DPY30: variants seen among roughly 807,000 people sequenced by gnomAD.
DPY30 encodes the protein protein dpy-30 homolog.
A neutral mutation model predicts 16.2 loss-of-function variants in DPY30; 6 were observed. The observed-to-expected ratio is 0.37, with a 90% CI of 0.20 to 0.73. The LOEUF is 0.73. Among genes scored for constraint, DPY30 ranks in the 30% least tolerant of loss-of-function variants. The pLI is 0.51. For missense variants in DPY30, 73 were observed against 113.1 expected (o/e 0.65, Z 1.61); for synonymous variants, 39 against 38.8 (o/e 1.00, Z -0.02).
chr2:32,036,453 C>T (rs1675741523), intron 3 of DPY30, among the ~76,000 whole-genome samples: 1 of 151,956 alleles, frequency 6.6e-6, no homozygotes, highest in Admixed American at 6.6e-5. Flanking sequence ...TGGCGGATCA[C>T]GAGGTCAGGA....
intron 4 of DPY30, among the ~76,000 whole-genome samples, chr2:32,025,850 A>G (rs1675314432): frequency 1.3e-5 from 2 of 151,380 alleles, no homozygotes; most frequent in South Asian, 4.2e-4. Flanking sequence ...GCTCACGCTT[A>G]TAATCCTCAC....
chr2:32,032,580 C>A (rs1675581739), intron 3 of DPY30, among the ~76,000 whole-genome samples: 1 of 152,198 alleles, frequency 6.6e-6, no homozygotes, highest in Non-Finnish European at 1.5e-5. Flanking sequence ...CTACTCGGGG[C>A]CAGGCACAGT....
At chr2:32,029,458 G>A (rs1157928247) in intron 4 of DPY30, 136 bp downstream of exon 4, 1 of 1,016,508 alleles carries the variant, frequency 9.8e-7, no homozygotes, top group East Asian at 2.5e-5. Context: ...TGAGATTATG[G>A]CTGAATACTT....
At chr2:32,034,467 G>A (rs185418453) in intron 3 of DPY30, among the ~76,000 whole-genome samples, 13 of 152,174 alleles carry the variant, frequency 8.5e-5, no homozygotes, top group East Asian at 1.9e-4. Flanking sequence ...CAGATCTCAC[G>A]GTAACTAATA....
chr2:32,036,932 A>G (rs1324905382), intron 3 of DPY30, among the ~76,000 whole-genome samples: 1 of 152,198 alleles, frequency 6.6e-6, no homozygotes, highest in East Asian at 1.9e-4. Flanking sequence ...ACACTGGTAT[A>G]AAGAAAATCT....
At chr2:32,011,668 T>C (rs1332501499), downstream of DPY30, among the ~76,000 whole-genome samples, 1 of 152,228 alleles carries the variant, frequency 6.6e-6, no homozygotes, top group Non-Finnish European at 1.5e-5. Context: ...TGAGGAAGTG[T>C]TATTGTTACA....
intron 3 of DPY30, 99 bp from the exon 4 acceptor site, chr2:32,029,835 C>T: frequency 7.6e-7 from 1 of 1,319,534 alleles, no homozygotes; most frequent in Non-Finnish European, 1.1e-6. Flanking sequence ...ATAGAAAAGG[C>T]AAATCAATGA....
chr2:32,029,820 C>G, intron 3 of DPY30, 84 bp from the exon 4 acceptor site: 9 of 1,481,926 alleles, frequency 6.1e-6, no homozygotes, highest in Non-Finnish European at 8.4e-6. Context: ...GGAAATATGA[C>G]ACTAATAGAA....
At chr2:32,031,100 C>T (rs951444741) in intron 3 of DPY30, among the ~76,000 whole-genome samples, 1 of 152,174 alleles carries the variant, frequency 6.6e-6, no homozygotes, top group Non-Finnish European at 1.5e-5. Flanking sequence ...TTGCCTCCAT[C>T]GCACTCACAT....
At chr2:32,031,466 G>A (rs1301786622) in intron 3 of DPY30, among the ~76,000 whole-genome samples, 2 of 151,688 alleles carry the variant, frequency 1.3e-5, no homozygotes, top group African/African-American at 4.8e-5. Context: ...GCATGGTGGT[G>A]CACACCTGTA....
At chr2:32,028,966 A>G (rs1443055713) in intron 4 of DPY30, among the ~76,000 whole-genome samples, 1 of 152,096 alleles carries the variant, frequency 6.6e-6, no homozygotes, top group African/African-American at 2.4e-5. Flanking sequence ...TCTGTCTCAA[A>G]AAAAAATAAG....
intron 3 of DPY30, among the ~76,000 whole-genome samples, chr2:32,034,922 C>T (rs1226031211): frequency 6.6e-6 from 1 of 151,522 alleles, no homozygotes; most frequent in African/African-American, 2.4e-5. Context: ...TCACTTGAAC[C>T]CAGGAGGTGG....
downstream of DPY30, among the ~76,000 whole-genome samples, chr2:32,021,611 G>A (rs1387901442): frequency 5.3e-5 from 8 of 151,026 alleles, no homozygotes; most frequent in South Asian, 2.1e-4. Context: ...CCCAGGAGGC[G>A]GAGGTTGCAG....
chr2:32,025,685 C>A (rs1675305705), intron 4 of DPY30, among the ~76,000 whole-genome samples: 1 of 151,366 alleles, frequency 6.6e-6, no homozygotes, highest in Non-Finnish European at 1.5e-5. Flanking sequence ...TCACTTTAAC[C>A]CCAAAGGCAG....
chr2:32,038,862 G>C (rs1675856111), intron 3 of DPY30, among the ~76,000 whole-genome samples: 1 of 152,034 alleles, frequency 6.6e-6, no homozygotes, highest in South Asian at 2.1e-4. Context: ...TGGTCAGGCT[G>C]GTCTGGAACT....
chr2:32,028,150 AC>A (rs1454427248), intron 4 of DPY30, among the ~76,000 whole-genome samples: 2 of 141,324 alleles, frequency 1.4e-5, no homozygotes, highest in African/African-American at 5.3e-5. Flanking sequence ...TCACTCTGTC[AC>A]CCAGGCTGGA....
chr2:32,020,525 TATTAAA>T (rs1029971218), downstream of DPY30, among the ~76,000 whole-genome samples: 6 of 151,890 alleles, frequency 4.0e-5, no homozygotes, highest in African/African-American at 1.2e-4. Context: ...ATAAATAAAG[TATTAAA>T]ATTAAAATTA....
At chr2:32,036,311 C>T (rs1334802231) in intron 3 of DPY30, among the ~76,000 whole-genome samples, 1 of 151,848 alleles carries the variant, frequency 6.6e-6, no homozygotes, top group Non-Finnish European at 1.5e-5. Context: ...TGAAATTCTT[C>T]CAAGTTTGAT....
intron 4 of DPY30, among the ~76,000 whole-genome samples, chr2:32,028,336 T>C (rs1215160807): frequency 6.6e-6 from 1 of 152,180 alleles, no homozygotes; most frequent in Non-Finnish European, 1.5e-5. Flanking sequence ...TTTGCTATTA[T>C]AATGTTTATT....
Sources: allele counts gnomAD v4.1 joint callset (sites outside exome capture counted in the v4.1 genomes callset), GRCh38; gene constraint gnomAD v4.1.1; transcripts MANE v1.5; gene names NCBI Gene and HGNC (gene_info 2026-07-23, HGNC 2026-07-21).